ALK: variants seen among roughly 807,000 people sequenced by gnomAD.
The protein encoded by ALK is ALK receptor tyrosine kinase, also known as ALK tyrosine kinase receptor.
A neutral mutation model predicts 163.1 loss-of-function variants in ALK; 74 were observed. That is an observed-to-expected ratio of 0.45 (90% CI 0.38 to 0.55). ALK has a LOEUF of 0.55. ALK is among the 20% of genes least tolerant of loss of function. The pLI is 0.00. For missense variants in ALK, 2,063 were observed against 2,105.3 expected (o/e 0.98, Z 0.39); for synonymous variants, 960 against 843.2 (o/e 1.14, Z -2.40).
intron 4 of ALK, among the ~76,000 whole-genome samples, chr2:29,452,057 G>A (rs1318343263): frequency 6.6e-6 from 1 of 152,110 alleles, no homozygotes; most frequent in Non-Finnish European, 1.5e-5. Context: ...CTACCCTATT[G>A]GACAGCACAG....
At chr2:29,661,793 T>A (rs1437918067) in intron 3 of ALK, among the ~76,000 whole-genome samples, 1 of 152,218 alleles carries the variant, frequency 6.6e-6, no homozygotes, top group African/African-American at 2.4e-5. Context: ...CATTTAGAGC[T>A]GGCATAGCAG....
At chr2:29,646,940 A>G (rs10180203) in intron 3 of ALK, among the ~76,000 whole-genome samples, 16,213 of 152,164 alleles carry the variant, frequency 0.11, 1,626 homozygotes, top group African/African-American at 0.26. Flanking sequence ...ATTGATGTTG[A>G]TTGGGTTCAC....
At chr2:29,505,176 C>T (rs963933431) in intron 4 of ALK, among the ~76,000 whole-genome samples, 2 of 152,170 alleles carry the variant, frequency 1.3e-5, no homozygotes, top group African/African-American at 4.8e-5. Flanking sequence ...GAGCAGCCAG[C>T]CTGCTCTGGG....
intron 1 of ALK, among the ~76,000 whole-genome samples, chr2:29,771,722 G>C (rs1681032338): frequency 6.6e-6 from 1 of 152,078 alleles, no homozygotes; most frequent in African/African-American, 2.4e-5. Context: ...TTTTAGTAGA[G>C]ACGGGGTTTC....
intron 4 of ALK, among the ~76,000 whole-genome samples, chr2:29,451,546 A>T (rs1286004379): frequency 6.6e-6 from 1 of 152,164 alleles, no homozygotes; most frequent in Non-Finnish European, 1.5e-5. Context: ...CGAAAACCTC[A>T]GCTCATATCA....
intron 3 of ALK, among the ~76,000 whole-genome samples, chr2:29,618,261 C>G (rs1675917137): frequency 6.6e-6 from 1 of 152,180 alleles, no homozygotes; most frequent in African/African-American, 2.4e-5. Flanking sequence ...ATTTAAGTAC[C>G]AGAGTTGAGG....
chr2:29,476,242 G>C (rs1332899252), intron 4 of ALK, among the ~76,000 whole-genome samples: 1 of 152,168 alleles, frequency 6.6e-6, no homozygotes. Context: ...TCATGCATCT[G>C]ACATACAATG....
intron 3 of ALK, among the ~76,000 whole-genome samples, chr2:29,669,090 T>C (rs1183293618): frequency 1.3e-5 from 2 of 151,994 alleles, no homozygotes; most frequent in African/African-American, 4.8e-5. Flanking sequence ...GGTGAAATGT[T>C]CTGCAAATAT....
At chr2:29,789,853 C>T (rs1475084905) in intron 1 of ALK, among the ~76,000 whole-genome samples, 2 of 152,090 alleles carry the variant, frequency 1.3e-5, no homozygotes, top group East Asian at 1.9e-4. Context: ...AACATTTGGC[C>T]GTGGAGAACC....
In ALK at chr2:29,487,614, A is replaced by G. The variant is rs76994634; in HGVS notation, c.1154+44301T>C. Reference sequence around the variant, plus strand: ...GACTTTGAGCAACTCAGCTGCTTTGAGGCTCAGTTTCCTAATAGAAATATA... The same window carrying G: ...GACTTTGAGCAACTCAGCTGCTTTGGGGCTCAGTTTCCTAATAGAAATATA... On this transcript the variant is annotated intron_variant, in intron 4 of 28. Coordinates refer to ENST00000389048, the MANE Select transcript of ALK (RefSeq NM_004304.5). Among the ~76,000 whole-genome samples the G allele has an allele frequency of 3.6e-3, 544 of 152,292 alleles. 2 individuals carry two copies. The highest frequency in any genetic ancestry group is 0.012 in the African/African-American group (515 of 41,568).
chr2:29,401,098 A>G (rs1669433755), intron 4 of ALK, among the ~76,000 whole-genome samples: 1 of 152,132 alleles, frequency 6.6e-6, no homozygotes, highest in African/African-American at 2.4e-5. Flanking sequence ...CAAAGCACTA[A>G]ATGGCATCCT....
At chr2:29,335,816 G>T (rs192490040) in intron 5 of ALK, among the ~76,000 whole-genome samples, 113 of 152,246 alleles carry the variant, frequency 7.4e-4, no homozygotes, top group Non-Finnish European at 1.9e-4. Context: ...GAGGTAGGTG[G>T]ATTGCTTGTG....
intron 1 of ALK, among the ~76,000 whole-genome samples, chr2:29,834,283 A>G (rs151237244): frequency 0.012 from 1,793 of 152,246 alleles, 34 homozygotes; most frequent in African/African-American, 0.041. Context: ...CATGGTACTC[A>G]CCCAATTAGA....
chr2:29,839,364 C>T (rs1019833171), intron 1 of ALK, among the ~76,000 whole-genome samples: 6 of 151,828 alleles, frequency 4.0e-5, no homozygotes, highest in African/African-American at 1.5e-4. Flanking sequence ...AGGGGAGGAC[C>T]CAGTGAGAGA....
rs115501098 is a variant in ALK at position 29,699,260 on chromosome 2, C to T, written c.788-4246G>A. ...ACTACCTTCCCTCAGCCCCTCCTGG[C>T]GGTCTTCCACGCACTGTCCTGGGTG... On this transcript the variant is annotated intron_variant, in intron 2 of 28. Transcript: ENST00000389048. Among the ~76,000 whole-genome samples, 1,451 of 152,294 alleles carry T rather than the reference C, an allele frequency of 9.5e-3. 19 individuals are homozygous for T. Among genetic ancestry groups the T allele is most frequent in the South Asian group, 0.035 (168 of 4,828 alleles).
intron 18 of ALK, 29 bp downstream of exon 18, chr2:29,226,893 C>T (rs752526246): frequency 1.2e-6 from 2 of 1,613,702 alleles, no homozygotes; most frequent in Admixed American, 3.3e-5. Context: ...CTATGGGCCC[C>T]TCTGCCTCCC....
intron 8 of ALK, among the ~76,000 whole-genome samples, chr2:29,313,966 C>T (rs1233292830): frequency 2.0e-5 from 3 of 152,128 alleles, no homozygotes; most frequent in Non-Finnish European, 2.9e-5. Context: ...AAGTTCCTCT[C>T]TTTTTCCCAT....
intron 1 of ALK, among the ~76,000 whole-genome samples, chr2:29,903,170 T>TG (rs1196350108): frequency 2.6e-5 from 4 of 152,130 alleles, no homozygotes; most frequent in Non-Finnish European, 5.9e-5. Context: ...TATAGAACCG[T>TG]ACAAAGTCCT....
chr2:29,920,760 G>T lies in ALK; in HGVS notation c.-101C>A. The T allele has an allele frequency of 1.8e-6, 2 of 1,104,718 alleles. No homozygotes were observed. The highest frequency in any genetic ancestry group is 2.6e-6 in the Non-Finnish European group (2 of 770,530). The allele number at this position is 1,104,718 out of a possible 1,614,324, so 68.4% of individuals were successfully genotyped here. ...TCTGAACAGTCCTTGGTACCCAGCG[G>T]CTCCTTCCACCTGATCTCCAGAGGA... On this transcript the variant is annotated 5_prime_UTR_variant, in exon 1 of 29. Transcript: ENST00000389048.
Sources: allele counts gnomAD v4.1 joint callset (sites outside exome capture counted in the v4.1 genomes callset), GRCh38; gene constraint gnomAD v4.1.1; transcripts MANE v1.5; gene names NCBI Gene and HGNC (gene_info 2026-07-23, HGNC 2026-07-21).